Variants in NR5A2 observed in about 807,000 individuals in gnomAD.
NR5A2 encodes nuclear receptor subfamily 5 group A member 2.
Under a neutral mutation model 62.7 loss-of-function variants are expected in NR5A2, and 26 were observed. That is an observed-to-expected ratio of 0.41 (90% CI 0.30 to 0.58). The LOEUF is 0.58. Among genes scored for constraint, NR5A2 ranks in the 20% least tolerant of loss-of-function variants. The pLI is 0.22. For missense variants in NR5A2, 541 were observed against 669.1 expected (o/e 0.81, Z 2.11); for synonymous variants, 246 against 241.7 (o/e 1.02, Z -0.16).
chr1:200,109,626 A>T (rs970970108), intron 5 of NR5A2, among the ~76,000 whole-genome samples: 2 of 152,210 alleles, frequency 1.3e-5, no homozygotes, highest in African/African-American at 4.8e-5. Context: ...CACTACTAAT[A>T]TATCAGTGAC....
intron 5 of NR5A2, among the ~76,000 whole-genome samples, chr1:200,097,350 C>T (rs2821321): frequency 0.88 from 134,572 of 152,286 alleles, 59,653 homozygotes; most frequent in East Asian, 0.97. Context: ...AGTTCTGTCT[C>T]TCTCCCTTCT....
At chr1:200,041,307 C>T (rs1304502685) in intron 2 of NR5A2, among the ~76,000 whole-genome samples, 1 of 152,212 alleles carries the variant, frequency 6.6e-6, no homozygotes, top group African/African-American at 2.4e-5. Flanking sequence ...TACCTAGTGC[C>T]CCCAAACCAG....
At chr1:200,061,531 G>A (rs1051625762) in intron 5 of NR5A2, among the ~76,000 whole-genome samples, 1 of 152,042 alleles carries the variant, frequency 6.6e-6, no homozygotes, top group Non-Finnish European at 1.5e-5. Flanking sequence ...GCCCACCTCC[G>A]CCTCCCAAAG....
At chr1:200,135,184 G>A (rs1667154923) in intron 7 of NR5A2, among the ~76,000 whole-genome samples, 2 of 152,160 alleles carry the variant, frequency 1.3e-5, no homozygotes, top group Non-Finnish European at 2.9e-5. Flanking sequence ...ATCTGCTGTC[G>A]TCACTCACAG....
At chr1:200,148,203 T>A (rs1050421635) in intron 7 of NR5A2, 3 of 257,408 alleles carry the variant, frequency 1.2e-5, no homozygotes, top group Non-Finnish European at 7.5e-6. Flanking sequence ...CCGTTGGGCC[T>A]ATCAGCCGCC....
chr1:200,118,540 G>A (rs897826244), intron 6 of NR5A2, among the ~76,000 whole-genome samples: 15 of 152,114 alleles, frequency 9.9e-5, no homozygotes, highest in Admixed American at 6.5e-4. Context: ...AAGGCTCTTC[G>A]TTTGTAAGAG....
At chr1:200,167,052 C>T (rs1462815401) in intron 7 of NR5A2, among the ~76,000 whole-genome samples, 2 of 152,162 alleles carry the variant, frequency 1.3e-5, no homozygotes, top group Non-Finnish European at 2.9e-5. Context: ...GAATCCCACT[C>T]CTAGGCCAGT....
At chr1:200,035,182 T>C (rs1304648025) in intron 1 of NR5A2, among the ~76,000 whole-genome samples, 2 of 152,188 alleles carry the variant, frequency 1.3e-5, no homozygotes, top group Non-Finnish European at 2.9e-5. Flanking sequence ...AAATCTAGAC[T>C]TCTTTCGGGG....
Position 200,174,830 on chromosome 1 carries a change from C to T in NR5A2, c.*620C>T, listed in dbSNP as rs1185986679. Reference sequence around the variant, plus strand: ...TAATTTTGAGTGTCTGTGTCTTAGACCTGCAAACAGCTAATAGGAAATTCT... The same window carrying T: ...TAATTTTGAGTGTCTGTGTCTTAGATCTGCAAACAGCTAATAGGAAATTCT... On this transcript the variant is annotated 3_prime_UTR_variant, in exon 8 of 8. Transcript: ENST00000367362. 2.6e-5 allele frequency: 4 copies of T among 152,640 alleles called. No individual in the cohort carries two copies. The highest frequency in any genetic ancestry group is 3.8e-4 in the East Asian group (2 of 5,206). The allele number at this position is 152,640 out of a possible 1,614,324, so 9.5% of individuals were successfully genotyped here.
chr1:200,037,779 C>T (rs1437995612), intron 1 of NR5A2, among the ~76,000 whole-genome samples: 1 of 152,104 alleles, frequency 6.6e-6, no homozygotes, highest in Non-Finnish European at 1.5e-5. Context: ...TAACTTTGAT[C>T]CTGAATATAT....
intron 6 of NR5A2, among the ~76,000 whole-genome samples, chr1:200,113,379 T>C (rs1014480093): frequency 1.3e-5 from 2 of 152,216 alleles, no homozygotes; most frequent in African/African-American, 4.8e-5. Context: ...AATCAGACAT[T>C]CTCATTTATG....
rs142475847 is a variant in NR5A2, at chr1:200,051,402, T to C, written c.1110+2584T>C. 2.5e-3 allele frequency among the ~76,000 whole-genome samples: 387 copies of C among 152,370 alleles called. 4 individuals are homozygous for C. Among genetic ancestry groups the C allele is most frequent in the South Asian group, 4.1e-3 (20 of 4,826 alleles). On this transcript the variant is annotated intron_variant, in intron 5 of 7. Coordinates refer to ENST00000367362, the MANE Select transcript of NR5A2 (RefSeq NM_205860.3). ...TGTGGATAAATTTTACAGTGACTTC[T>C]TTATATAGCATGAGGTTAAATATTT...
chr1:200,094,471 C>A (rs1384305457), intron 5 of NR5A2, among the ~76,000 whole-genome samples: 1 of 150,410 alleles, frequency 6.6e-6, no homozygotes, highest in Non-Finnish European at 1.5e-5. Context: ...AGATGTGAGC[C>A]ACCACGCCCA....
At chr1:200,050,696 G>A (rs1662589705) in intron 5 of NR5A2, among the ~76,000 whole-genome samples, 1 of 152,152 alleles carries the variant, frequency 6.6e-6, no homozygotes, top group African/African-American at 2.4e-5. Flanking sequence ...TACGAGACCA[G>A]CCTGACCAAT....
At chr1:200,085,662 C>CAAAAA (rs779455520) in intron 5 of NR5A2, among the ~76,000 whole-genome samples, 3 of 91,160 alleles carry the variant, frequency 3.3e-5, no homozygotes, top group African/African-American at 3.8e-5. Context: ...AGACCTATCT[C>CAAAAA]AAAAAAAAAA....
At chr1:200,108,059 T>A (rs1260951490) in intron 5 of NR5A2, among the ~76,000 whole-genome samples, 2 of 148,944 alleles carry the variant, frequency 1.3e-5, no homozygotes, top group Non-Finnish European at 3.0e-5. Flanking sequence ...GACCCCTTGA[T>A]GAGATGGCTC....
At chr1:200,124,949 A>G (rs1666638650) in intron 7 of NR5A2, among the ~76,000 whole-genome samples, 1 of 151,812 alleles carries the variant, frequency 6.6e-6, no homozygotes, top group Non-Finnish European at 1.5e-5. Flanking sequence ...ACTTAAAGCG[A>G]AGCCTTTACC....
chr1:200,074,223 G>T (rs1325518088), intron 5 of NR5A2, among the ~76,000 whole-genome samples: 2 of 151,940 alleles, frequency 1.3e-5, no homozygotes, highest in Non-Finnish European at 2.9e-5. Context: ...GTTTATTAAT[G>T]TTTTTTTCTT....
chr1:200,054,800 C>T (rs923226808), intron 5 of NR5A2, among the ~76,000 whole-genome samples: 1 of 152,070 alleles, frequency 6.6e-6, no homozygotes, highest in African/African-American at 2.4e-5. Flanking sequence ...ATCCTTTTTC[C>T]TAAATCACAG....
Sources: gnomAD v4.1 joint callset for allele counts (sites outside exome capture counted in the v4.1 genomes callset) on GRCh38, gnomAD v4.1.1 for gene constraint, MANE v1.5 for transcripts, NCBI Gene and HGNC (gene_info 2026-07-23, HGNC 2026-07-21) for gene names.